RBPJ: variants seen among roughly 807,000 people sequenced by gnomAD.
RBPJ encodes the protein recombining binding protein suppressor of hairless.
Under a neutral mutation model 67.8 loss-of-function variants are expected in RBPJ, and 9 were observed. The ratio of observed to expected loss-of-function variants is 0.13; its 90% CI spans 0.08 to 0.23. The LOEUF (loss-of-function observed/expected upper bound fraction) is 0.23, where lower values mean the gene tolerates loss of function less well. Among genes scored for constraint, RBPJ ranks in the 10% least tolerant of loss-of-function variants. The probability of loss-of-function intolerance (pLI) is 1.00; values close to 1 mark genes in which losing one functional copy is unlikely to be tolerated. For synonymous variants in RBPJ, 198 were observed against 203.3 expected (o/e 0.97, Z 0.22); for missense variants, 305 against 595.6 (o/e 0.51, Z 5.08).
chr4:26,271,265 GT>G (rs1473707206), intron 1 of RBPJ, among the ~76,000 whole-genome samples: 3 of 152,128 alleles, frequency 2.0e-5, no homozygotes, highest in Non-Finnish European at 2.9e-5. Flanking sequence ...AGACTATAAG[GT>G]TTGGTGCCAT....
At chr4:26,256,751 T>C (rs1369417563) in intron 1 of RBPJ, among the ~76,000 whole-genome samples, 1 of 152,180 alleles carries the variant, frequency 6.6e-6, no homozygotes, top group African/African-American at 2.4e-5. Context: ...CAAATCGAGT[T>C]TGCAAAGTTT....
Position 26,368,314 on chromosome 4 carries a change from G to T in RBPJ, c.21-18039G>T, listed in dbSNP as rs529480829. ...TCCCCCTATTCCACATTAACCCCTTGTCTTCTCCCAGATTATCCAACTCTT... is the reference window on the plus strand; with the variant it reads ...TCCCCCTATTCCACATTAACCCCTTTTCTTCTCCCAGATTATCCAACTCTT... On this transcript the variant is annotated intron_variant, in intron 1 of 10. Coordinates refer to ENST00000355476, the MANE Select transcript of RBPJ (RefSeq NM_015874.6). Among the ~76,000 whole-genome samples, 5 of 152,172 alleles carry T rather than the reference G, an allele frequency of 3.3e-5. No homozygotes were observed. The East Asian group carries it at 9.7e-4, about 29-fold the overall frequency.
At chr4:26,162,499 C>A (rs566149607), upstream of RBPJ, among the ~76,000 whole-genome samples, 3 of 152,316 alleles carry the variant, frequency 2.0e-5, no homozygotes, top group East Asian at 5.8e-4. Flanking sequence ...TTCAATGTTA[C>A]TTTACCAAGT....
chr4:26,174,546 G>A (rs914993523), intron 1 of RBPJ, among the ~76,000 whole-genome samples: 12 of 151,970 alleles, frequency 7.9e-5, no homozygotes, highest in Admixed American at 3.3e-4. Context: ...CTCACCTCAC[G>A]GCAACCTCCG....
chr4:26,105,717 A>G, the RBPJ span, among the ~76,000 whole-genome samples: 1 of 152,366 alleles, frequency 6.6e-6, no homozygotes, highest in South Asian at 2.1e-4. Context: ...ACATGAGAAA[A>G]GATAGTGTGT....
intron 1 of RBPJ, among the ~76,000 whole-genome samples, chr4:26,215,224 G>A (rs1471017565): frequency 0.013 from 293 of 22,600 alleles, 28 homozygotes; most frequent in African/African-American, 0.053. Context: ...GAGAAAAAGA[G>A]AGAAAAGAGA....
At chr4:26,248,537 T>C (rs986057588) in intron 1 of RBPJ, among the ~76,000 whole-genome samples, 1 of 152,164 alleles carries the variant, frequency 6.6e-6, no homozygotes, top group African/African-American at 2.4e-5. Flanking sequence ...AAGTCAAGAG[T>C]ATTTGCTCTT....
chr4:26,182,592 C>T (rs1717049425), intron 1 of RBPJ, among the ~76,000 whole-genome samples: 1 of 150,856 alleles, frequency 6.6e-6, no homozygotes, highest in Non-Finnish European at 1.5e-5. Context: ...CTCCTGGGTT[C>T]AAGCCACCCT....
At chr4:26,351,167 C>T (rs1306305214) in intron 1 of RBPJ, among the ~76,000 whole-genome samples, 9 of 152,120 alleles carry the variant, frequency 5.9e-5, no homozygotes, top group Non-Finnish European at 2.9e-5. Context: ...TATGCTAACT[C>T]CCAGGCCCAT....
intron 2 of RBPJ, among the ~76,000 whole-genome samples, chr4:26,396,800 A>G (rs1157177831): frequency 6.6e-6 from 1 of 152,258 alleles, no homozygotes; most frequent in Admixed American, 6.5e-5. Flanking sequence ...TACTTCTGCT[A>G]TAAAAAGAGA....
intron 4 of RBPJ, among the ~76,000 whole-genome samples, chr4:26,416,278 G>A (rs1349151963): frequency 6.6e-6 from 1 of 151,872 alleles, no homozygotes; most frequent in Admixed American, 6.6e-5. Flanking sequence ...TCTTCCCCCG[G>A]GACAGGGTTT....
chr4:26,433,102 T>A lies in RBPJ; in HGVS notation c.*2095T>A, dbSNP rs1354990534. The A allele has an allele frequency of 1.3e-5, 2 of 152,214 alleles. No individual in the cohort carries two copies. Among genetic ancestry groups the A allele is most frequent in the Non-Finnish European group, 2.9e-5 (2 of 68,032 alleles). 9.4% of individuals were successfully genotyped at this position (152,214 alleles called of 1,614,324 possible). ...ATTTTATTCTATATCGCCTTTTTTC[T>A]TCAAATCTGCTCCAATCACTCACTT... is the stretch of plus-strand genomic sequence containing the variant. On this transcript the variant is annotated 3_prime_UTR_variant, in exon 11 of 11. Transcript: ENST00000355476.
intron 1 of RBPJ, among the ~76,000 whole-genome samples, chr4:26,361,761 A>G (rs1452962893): frequency 6.6e-6 from 1 of 152,296 alleles, no homozygotes; most frequent in East Asian, 1.9e-4. Context: ...TTCTTAGTAG[A>G]TTTAAAATGT....
chr4:26,216,226 TTTAAG>T (rs1718719729), intron 1 of RBPJ, among the ~76,000 whole-genome samples: 1 of 152,104 alleles, frequency 6.6e-6, no homozygotes, highest in Non-Finnish European at 1.5e-5. Flanking sequence ...TCAGGATATC[TTTAAG>T]TTAATTACTC....
chr4:26,141,624 G>A, the RBPJ span, among the ~76,000 whole-genome samples: 19 of 152,210 alleles, frequency 1.2e-4, no homozygotes, highest in East Asian at 1.2e-3. Context: ...CCATGCCCTC[G>A]AGCATTTGTC....
At chr4:26,268,232 G>T (rs144354177) in intron 1 of RBPJ, among the ~76,000 whole-genome samples, 92 of 151,972 alleles carry the variant, frequency 6.1e-4, no homozygotes, top group African/African-American at 2.2e-3. Context: ...TTCTTTGTTT[G>T]CCTCATTCCT....
chr4:26,353,942 T>C (rs1459781275), intron 1 of RBPJ, among the ~76,000 whole-genome samples: 2 of 151,030 alleles, frequency 1.3e-5, no homozygotes, highest in African/African-American at 4.9e-5. Context: ...TGTTTGTTTG[T>C]TTTTGGAGAC....
chr4:26,316,835 TTTTTTTTTTTTTTTTTTTTGCAAAAAA>T (rs1722667690), upstream of RBPJ, among the ~76,000 whole-genome samples: 1 of 136,096 alleles, frequency 7.3e-6, no homozygotes, highest in Non-Finnish European at 1.6e-5. Context: ...GACTTTTTTT[TTTTTTTTTTTTTTTTTTTTGCAAAAAA>T]CCAACACAGG....
chr4:26,353,900 C>T (rs917324620), intron 1 of RBPJ, among the ~76,000 whole-genome samples: 3 of 151,816 alleles, frequency 2.0e-5, no homozygotes, highest in Non-Finnish European at 4.4e-5. Flanking sequence ...TTGTAAGCTA[C>T]TGTGCCCTGC....
Sources: allele counts gnomAD v4.1 joint callset (sites outside exome capture counted in the v4.1 genomes callset), GRCh38; gene constraint gnomAD v4.1.1; transcripts MANE v1.5; gene names NCBI Gene and HGNC (gene_info 2026-07-23, HGNC 2026-07-21).